Variants in XIRP2 observed in about 807,000 individuals in gnomAD.
The protein encoded by XIRP2 is xin actin binding repeat containing 2.
Under a neutral mutation model 277.0 loss-of-function variants are expected in XIRP2, and 236 were observed. That is an observed-to-expected ratio of 0.85 (90% CI 0.77 to 0.95). The LOEUF (loss-of-function observed/expected upper bound fraction) is 0.95. Ranked by LOEUF, XIRP2 falls within the 40% of genes least tolerant of loss-of-function variation. XIRP2 has a pLI of 0.00. For synonymous variants in XIRP2, 1,490 were observed against 1,416.5 expected (o/e 1.05, Z -1.17); for missense variants, 4,640 against 4,157.5 (o/e 1.12, Z -3.19).
chr2:167,252,399 T>A (rs1279182873), intron 9 of XIRP2, among the ~76,000 whole-genome samples: 1 of 152,040 alleles, frequency 6.6e-6, no homozygotes, highest in East Asian at 1.9e-4. Flanking sequence ...ATTCTTCATG[T>A]GTGCTTTAGT....
chr2:167,010,421 T>C lies in XIRP2; in HGVS notation c.408+106531T>C, dbSNP rs1257670346. ...TTCTGAGGGCTCTGTTCTGTTCCAT[T>C]GATCTATATCTCTGTTTTGGTACCA... On this transcript the variant is annotated intron_variant, in intron 2 of 10. Coordinates refer to ENST00000409195, the MANE Select transcript of XIRP2 (RefSeq NM_152381.6). Among the ~76,000 whole-genome samples the C allele has an allele frequency of 3.3e-5, 5 of 151,916 alleles. No homozygotes were observed. In the East Asian group the frequency reaches 9.6e-4, roughly 29 times the overall value.
chr2:167,227,550 G>A (rs1004448607), intron 5 of XIRP2, among the ~76,000 whole-genome samples: 3 of 151,796 alleles, frequency 2.0e-5, no homozygotes, highest in Admixed American at 6.6e-5. Context: ...AAGAAAAAAT[G>A]TTTTTTAATT....
intron 3 of XIRP2, among the ~76,000 whole-genome samples, chr2:167,143,583 G>A (rs191784687): frequency 6.6e-6 from 1 of 152,080 alleles, no homozygotes; most frequent in East Asian, 1.9e-4. Flanking sequence ...CTTGAGCTGG[G>A]GCCAGAGTGG....
At chr2:167,058,743 C>G (rs189411142) in intron 2 of XIRP2, among the ~76,000 whole-genome samples, 2 of 152,174 alleles carry the variant, frequency 1.3e-5, no homozygotes, top group Non-Finnish European at 2.9e-5. Flanking sequence ...ATAATGGTTG[C>G]TAATACCCCA....
intron 2 of XIRP2, among the ~76,000 whole-genome samples, chr2:167,093,666 A>G (rs1187089649): frequency 6.6e-6 from 1 of 152,112 alleles, no homozygotes; most frequent in Non-Finnish European, 1.5e-5. Context: ...TTATGGCTGC[A>G]TGGTATTCCA....
In XIRP2 at chr2:167,184,935, A is replaced by G. The variant is rs185708395; in HGVS notation, c.563-25800A>G. Among the ~76,000 whole-genome samples, 4 of 152,244 alleles carry G rather than the reference A, an allele frequency of 2.6e-5. No homozygotes were observed. The East Asian group carries it at 7.7e-4, about 29-fold the overall frequency. On this transcript the variant is annotated intron_variant, in intron 3 of 10. Transcript: ENST00000409195. Reference sequence around the variant, plus strand: ...ACTAAGTTTTGTGATACAAGGGATCACCTTATGAATCTTTCTGCCTTTATA... The same window carrying G: ...ACTAAGTTTTGTGATACAAGGGATCGCCTTATGAATCTTTCTGCCTTTATA...
In XIRP2 at chr2:167,248,969, A is replaced by T. The variant is rs1218871435; in HGVS notation, c.7577A>T (p.Glu2526Val). ...APLIKSHSFP[E>V]SSGQQNPKPY... ...CTTATAAAATCTCATTCATTTCCAG[A>T]GAGTTCAGGACAACAAAATCCAAAA... The change falls in exon 9 of 11, where the codon GAG becomes GTG. Residue 2526 changes from glutamate (E) to valine (V), a missense_variant. Coordinates refer to ENST00000409195, the MANE Select transcript of XIRP2 (RefSeq NM_152381.6). 3.7e-6 allele frequency: 6 copies of T among 1,613,684 alleles called. No homozygotes were observed. The highest frequency in any genetic ancestry group is 5.1e-6 in the Non-Finnish European group (6 of 1,179,820).
intron 2 of XIRP2, among the ~76,000 whole-genome samples, chr2:167,048,578 A>T (rs1316846715): frequency 6.6e-6 from 1 of 151,710 alleles, no homozygotes; most frequent in Non-Finnish European, 1.5e-5. Context: ...TAGTTTCTGG[A>T]TAATGCTATG....
intron 2 of XIRP2, among the ~76,000 whole-genome samples, chr2:167,033,107 T>C (rs543676362): frequency 6.6e-6 from 1 of 151,850 alleles, no homozygotes; most frequent in Admixed American, 6.6e-5. Flanking sequence ...TGGAATACTA[T>C]CCTATAAAAA....
chr2:166,977,405 T>C lies in XIRP2; in HGVS notation c.408+73515T>C, dbSNP rs1005429763. On this transcript the variant is annotated intron_variant, in intron 2 of 10. Transcript: ENST00000409195. ...TCTCATAGGGAGACTGCTTATATTT[T>C]CCCCAACATTTTTAAATGAAAATCA... Among the ~76,000 whole-genome samples, 87 of 152,182 alleles carry C rather than the reference T, an allele frequency of 5.7e-4. 3 individuals are homozygous for C. The highest frequency in any genetic ancestry group is 1.6e-4 in the Non-Finnish European group (11 of 68,026).
intron 2 of XIRP2, among the ~76,000 whole-genome samples, chr2:166,960,643 A>C (rs923946075): frequency 1.3e-5 from 2 of 151,798 alleles, no homozygotes; most frequent in Non-Finnish European, 2.9e-5. Context: ...TAAACTTAGT[A>C]TGGGATCATA....
Position 167,253,097 on chromosome 2 carries a change from A to G in XIRP2, c.10556-935A>G, listed in dbSNP as rs550479999. 1.8e-4 allele frequency among the ~76,000 whole-genome samples: 28 copies of G among 152,068 alleles called. No homozygotes were observed. The South Asian group carries it at 5.8e-3, about 31-fold the overall frequency. On this transcript the variant is annotated intron_variant, in intron 9 of 10. Coordinates refer to ENST00000409195, the MANE Select transcript of XIRP2 (RefSeq NM_152381.6). ...CCATCTAGGCACTAAAGTAGATATAATTATTTGTATAATGGAACCTGAGCA... is the reference window on the plus strand; with the variant it reads ...CCATCTAGGCACTAAAGTAGATATAGTTATTTGTATAATGGAACCTGAGCA...
intron 2 of XIRP2, among the ~76,000 whole-genome samples, chr2:166,935,583 C>A (rs1032119368): frequency 6.6e-6 from 1 of 152,150 alleles, no homozygotes; most frequent in Non-Finnish European, 1.5e-5. Flanking sequence ...CCATGATAGG[C>A]CCTGGTGTGT....
chr2:166,939,678 A>C (rs34961483), intron 2 of XIRP2, among the ~76,000 whole-genome samples: 1 of 130,250 alleles, frequency 7.7e-6, no homozygotes, highest in Non-Finnish European at 1.6e-5. Flanking sequence ...AGACTCCATC[A>C]CAAAAAAAAA....
At chr2:167,077,334 A>G (rs894433904) in intron 2 of XIRP2, among the ~76,000 whole-genome samples, 105 of 152,166 alleles carry the variant, frequency 6.9e-4, no homozygotes, top group African/African-American at 2.4e-3. Flanking sequence ...CCCTAATTGT[A>G]AGTCTTTCTT....
chr2:166,994,492 T>TAAA (rs199932317), intron 2 of XIRP2, among the ~76,000 whole-genome samples: 1 of 109,188 alleles, frequency 9.2e-6, no homozygotes, highest in Non-Finnish European at 1.9e-5. Context: ...AAAAAAAAAT[T>TAAA]AAAAAAAAAA....
chr2:167,055,881 C>G (rs1193272930), intron 2 of XIRP2, among the ~76,000 whole-genome samples: 4 of 152,008 alleles, frequency 2.6e-5, no homozygotes, highest in East Asian at 1.9e-4. Flanking sequence ...ACTATATACC[C>G]TAGGATTCAA....
intron 2 of XIRP2, among the ~76,000 whole-genome samples, chr2:167,043,755 A>G (rs1480169509): frequency 2.6e-5 from 4 of 152,102 alleles, no homozygotes; most frequent in Non-Finnish European, 5.9e-5. Context: ...AAATTCTACC[A>G]GATATATAAA....
chr2:166,890,220 T>G (rs1296521709), intron 1 of XIRP2, among the ~76,000 whole-genome samples: 1 of 151,882 alleles, frequency 6.6e-6, no homozygotes, highest in Non-Finnish European at 1.5e-5. Context: ...GTCTCAATCT[T>G]CTGACCTCAT....
Sources: allele counts gnomAD v4.1 joint callset (sites outside exome capture counted in the v4.1 genomes callset), GRCh38; gene constraint gnomAD v4.1.1; transcripts MANE v1.5; gene names NCBI Gene and HGNC (gene_info 2026-07-23, HGNC 2026-07-21).